Variants in MYSM1 observed in about 807,000 individuals in gnomAD.
The protein encoded by MYSM1 is Myb like, SWIRM and MPN domains 1.
MYSM1 carries 51 observed loss-of-function variants against 116.0 expected under a neutral mutation model. The observed-to-expected ratio is 0.44, with a 90% confidence interval of 0.35 to 0.56. MYSM1 has a LOEUF of 0.56. MYSM1 is among the 20% of genes least tolerant of loss of function. The pLI is 0.00. For missense variants in MYSM1, 900 were observed against 974.9 expected, an observed-to-expected ratio of 0.92 and a Z score of 1.02; for synonymous variants, 313 against 315.2, an observed-to-expected ratio of 0.99 and a Z score of 0.07.
At chr1:58,698,607 C>A (rs1244381749) in intron 1 of MYSM1, among the ~76,000 whole-genome samples, 1 of 152,116 alleles carries the variant, frequency 6.6e-6, no homozygotes, top group South Asian at 2.1e-4. Context: ...ACAGCCAATG[C>A]CCTCAGGTGA....
intron 1 of MYSM1, among the ~76,000 whole-genome samples, chr1:58,696,770 G>A (rs1205044198): frequency 6.6e-6 from 1 of 152,126 alleles, no homozygotes; most frequent in Non-Finnish European, 1.5e-5. Context: ...CACAGACTTG[G>A]TTTTGATACA....
At chr1:58,699,853 C>A in intron 1 of MYSM1, 132 bp downstream of exon 1, 1 of 1,454,610 alleles carries the variant, frequency 6.9e-7, no homozygotes, top group Non-Finnish European at 9.1e-7. Context: ...CCTCCCAGGC[C>A]AACAAGAGAC....
chr1:58,692,064 TTCTC>T (rs1644913255), intron 3 of MYSM1, among the ~76,000 whole-genome samples: 1 of 152,208 alleles, frequency 6.6e-6, no homozygotes, highest in Non-Finnish European at 1.5e-5. Context: ...ATATGTGACT[TTCTC>T]TGAATAGCAA....
chr1:58,682,692 TTC>T, intron 7 of MYSM1, 147 bp from the exon 8 acceptor site: 2 of 298,230 alleles, frequency 6.7e-6, no homozygotes, highest in Non-Finnish European at 1.0e-5. Flanking sequence ...TTTCTTTTTT[TTC>T]TTTTCTTTTT....
At chr1:58,664,324 A>G (rs1311712000) in intron 17 of MYSM1, among the ~76,000 whole-genome samples, 1 of 152,226 alleles carries the variant, frequency 6.6e-6, no homozygotes, top group Non-Finnish European at 1.5e-5. Context: ...TATGCTCAAA[A>G]TGGACATTCC....
Position 58,669,839 on chromosome 1 carries a change from A to G in MYSM1, c.1662-801T>C, listed in dbSNP as rs1439883058. Among the ~76,000 whole-genome samples the G allele has an allele frequency of 1.1e-4, 15 of 132,418 alleles. 1 individual carries two copies. Among genetic ancestry groups the G allele is most frequent in the Admixed American group, 8.1e-4 (10 of 12,398 alleles). 86.9% of individuals were successfully genotyped at this position (132,418 alleles called of 152,430 possible). A position where few individuals can be genotyped will look rare whatever the true frequency, so the allele number is the denominator to read the frequency against. Reference sequence around the variant, plus strand: ...TGACAGAGTGAGACCCTGTCTCCAAAAAAAAAAAAAAAAAAAAAAAAAACA... The same window carrying G: ...TGACAGAGTGAGACCCTGTCTCCAAGAAAAAAAAAAAAAAAAAAAAAAACA... On this transcript the variant is annotated intron_variant, in intron 12 of 19. Coordinates refer to ENST00000472487, the MANE Select transcript of MYSM1 (RefSeq NM_001085487.3).
chr1:58,676,189 C>T (rs1049777229), intron 9 of MYSM1, among the ~76,000 whole-genome samples: 14 of 151,924 alleles, frequency 9.2e-5, no homozygotes, highest in African/African-American at 9.7e-5. Context: ...GAGGCTGAGG[C>T]GGGCAAATCA....
At chr1:58,683,940 C>T (rs6661709) in intron 7 of MYSM1, among the ~76,000 whole-genome samples, 434 of 151,960 alleles carry the variant, frequency 2.9e-3, no homozygotes, top group Non-Finnish European at 3.5e-3. Context: ...TACCCCAGGT[C>T]TTTGAGTAAA....
chr1:58,689,348 G>A (rs375577732), intron 5 of MYSM1: 17 of 423,692 alleles, frequency 4.0e-5, no homozygotes, highest in African/African-American at 2.9e-4. Context: ...CATAATCCTT[G>A]GGTCTGAGTG....
chr1:58,697,272 A>G (rs1250917265), intron 1 of MYSM1, among the ~76,000 whole-genome samples: 1 of 152,154 alleles, frequency 6.6e-6, no homozygotes, highest in African/African-American at 2.4e-5. Flanking sequence ...GGGAAAATTT[A>G]TAAGGTGAAA....
In MYSM1 at chr1:58,655,305, T is replaced by C. The variant is rs536951325; in HGVS notation, c.*4692A>G. 9.7e-6 allele frequency: 1 copy of C among 102,686 alleles called. No homozygotes were observed. The highest frequency in any genetic ancestry group is 4.1e-4 in the South Asian group (1 of 2,454). 6.4% of individuals were successfully genotyped at this position (102,686 alleles called of 1,614,324 possible). A position where few individuals can be genotyped will look rare whatever the true frequency, so the allele number is the denominator to read the frequency against. On this transcript the variant is annotated 3_prime_UTR_variant, in exon 20 of 20. Transcript: ENST00000472487. Reference sequence around the variant, plus strand: ...TTAAGAGACGAGGAAATGTCAAAAATAGCAAATCAGGCATTTTTTTCCCCT... The same window carrying C: ...TTAAGAGACGAGGAAATGTCAAAAACAGCAAATCAGGCATTTTTTTCCCCT...
At chr1:58,679,169 T>C (rs761385901) in intron 8 of MYSM1, among the ~76,000 whole-genome samples, 1 of 152,096 alleles carries the variant, frequency 6.6e-6, no homozygotes, top group African/African-American at 2.4e-5. Context: ...AAACTTTAAC[T>C]CTTCTATTTT....
At chr1:58,690,503 T>C (rs1644889542) in intron 3 of MYSM1, 86 bp from the exon 4 acceptor site, 1 of 882,844 alleles carries the variant, frequency 1.1e-6, no homozygotes, top group African/African-American at 1.7e-5. Context: ...GCTACATAAA[T>C]GTTATTAATA....
At chr1:58,687,253 A>G (rs1476460929) in intron 6 of MYSM1, among the ~76,000 whole-genome samples, 1 of 152,204 alleles carries the variant, frequency 6.6e-6, no homozygotes, top group Non-Finnish European at 1.5e-5. Context: ...AGAGGTCTAC[A>G]TATCTCTATA....
rs948790472 is a variant in MYSM1, at chr1:58,658,112, A to T, written c.*1885T>A. 6.6e-6 allele frequency: 1 copy of T among 152,172 alleles called. No homozygotes were observed. Among genetic ancestry groups the T allele is most frequent in the Admixed American group, 6.6e-5 (1 of 15,260 alleles). The allele number at this position is 152,172 out of a possible 1,614,324, so 9.4% of individuals were successfully genotyped here. On this transcript the variant is annotated 3_prime_UTR_variant, in exon 20 of 20. Transcript: ENST00000472487. ...GCTTGGAAGGGAATACTAAGCCATAAAATTCAGGCCCTTGATTTACTGGTG... is the reference window on the plus strand; with the variant it reads ...GCTTGGAAGGGAATACTAAGCCATATAATTCAGGCCCTTGATTTACTGGTG...
rs369905670 is a variant in MYSM1, at chr1:58,682,663, A to G, written c.499-118T>C. ...TAAACTGAATACATGTAAATGGTAC[A>G]TTATACCTCTAATGCGCTTTTCTTT... is the stretch of plus-strand genomic sequence containing the variant. On this transcript the variant is annotated intron_variant, in intron 7 of 19. Transcript: ENST00000472487. 6.2e-4 allele frequency: 576 copies of G among 925,486 alleles called. 9 individuals are homozygous for G. The South Asian group carries it at 0.013, about 22-fold the overall frequency. 57.3% of individuals were successfully genotyped at this position (925,486 alleles called of 1,614,324 possible).
At chr1:58,671,290 T>C (rs1194076304) in intron 12 of MYSM1, among the ~76,000 whole-genome samples, 2 of 152,168 alleles carry the variant, frequency 1.3e-5, no homozygotes, top group Non-Finnish European at 2.9e-5. Context: ...GTTATTTAAA[T>C]TATTGTTTAA....
chr1:58,661,307 C>A, intron 18 of MYSM1, 80 bp from the exon 19 acceptor site: 1 of 1,322,082 alleles, frequency 7.6e-7, no homozygotes, highest in South Asian at 1.2e-5. Flanking sequence ...ATCACGGATG[C>A]CATACATCAC....
intron 3 of MYSM1, among the ~76,000 whole-genome samples, chr1:58,691,279 C>CA (rs1157148256): frequency 0.013 from 1,478 of 116,508 alleles, 12 homozygotes; most frequent in Middle Eastern, 0.041. Flanking sequence ...GACTCCGTCT[C>CA]AAAAAAAAAA....
Sources: allele counts gnomAD v4.1 joint callset (sites outside exome capture counted in the v4.1 genomes callset), GRCh38; gene constraint gnomAD v4.1.1; transcripts MANE v1.5; gene names NCBI Gene and HGNC (gene_info 2026-07-23, HGNC 2026-07-21).